ME3: variants seen among roughly 807,000 people sequenced by gnomAD.
The protein encoded by ME3 is NADP-dependent malic enzyme, mitochondrial.
Under a neutral mutation model 68.9 loss-of-function variants are expected in ME3, and 48 were observed. The ratio of observed to expected loss-of-function variants is 0.70; its 90% CI spans 0.55 to 0.89. The LOEUF (loss-of-function observed/expected upper bound fraction) is 0.89, where lower values mean the gene tolerates loss of function less well. Ranked by LOEUF, ME3 falls within the 40% of genes least tolerant of loss-of-function variation. The pLI is 0.00. For synonymous variants in ME3, 320 were observed against 318.8 expected, an observed-to-expected ratio of 1.00 and a Z score of -0.04; for missense variants, 675 against 797.4, an observed-to-expected ratio of 0.85 and a Z score of 1.85.
intron 4 of ME3, among the ~76,000 whole-genome samples, chr11:86,549,222 GAA>G (rs918861303): frequency 6.6e-6 from 1 of 152,256 alleles, no homozygotes; most frequent in African/African-American, 2.4e-5. Flanking sequence ...TACCTCTGGA[GAA>G]AGAGTGTCTA....
chr11:86,560,750 A>ATGTG (rs1437232456), intron 2 of ME3, among the ~76,000 whole-genome samples: 37 of 21,110 alleles, frequency 1.8e-3, no homozygotes, highest in Non-Finnish European at 3.3e-3. Context: ...GTGTGTGTGT[A>ATGTG]TATATATATA....
chr11:86,476,769 A>G (rs954975506), intron 7 of ME3, among the ~76,000 whole-genome samples: 1 of 152,200 alleles, frequency 6.6e-6, no homozygotes, highest in Non-Finnish European at 1.5e-5. Context: ...GCATTTACTA[A>G]TTGCACATAC....
intron 2 of ME3, among the ~76,000 whole-genome samples, chr11:86,610,235 A>T (rs766894856): frequency 6.6e-6 from 1 of 152,250 alleles, no homozygotes; most frequent in South Asian, 2.1e-4. Context: ...GGGGCAGCAG[A>T]TGTATTTATA....
At chr11:86,469,170 G>T (rs1950648004) in intron 7 of ME3, among the ~76,000 whole-genome samples, 1 of 152,214 alleles carries the variant, frequency 6.6e-6, no homozygotes, top group Admixed American at 6.5e-5. Flanking sequence ...AAATGCAGGA[G>T]TCTTGGCTGA....
intron 4 of ME3, among the ~76,000 whole-genome samples, chr11:86,509,780 A>G (rs7102806): frequency 0.4 from 58,129 of 146,164 alleles, 11,931 homozygotes; most frequent in South Asian, 0.51. Context: ...AAAAAAGTAC[A>G]GCTGGAATCT....
At chr11:86,483,341 C>T (rs904772906) in intron 7 of ME3, among the ~76,000 whole-genome samples, 2 of 152,138 alleles carry the variant, frequency 1.3e-5, no homozygotes, top group African/African-American at 4.8e-5. Flanking sequence ...CAGGGGCTCA[C>T]ATCAAGTGTG....
At chr11:86,438,578 C>T (rs927543306), downstream of ME3, among the ~76,000 whole-genome samples, 27 of 152,170 alleles carry the variant, frequency 1.8e-4, no homozygotes, top group African/African-American at 6.5e-4. Context: ...TAAATTCCAA[C>T]CAATGAAGCC....
intron 2 of ME3, among the ~76,000 whole-genome samples, chr11:86,633,462 G>A (rs1033782319): frequency 6.6e-6 from 1 of 152,154 alleles, no homozygotes; most frequent in African/African-American, 2.4e-5. Flanking sequence ...TCTAGAGCCC[G>A]TGCTGTTAAA....
At chr11:86,582,042 A>C (rs559727141) in intron 2 of ME3, among the ~76,000 whole-genome samples, 56 of 152,378 alleles carry the variant, frequency 3.7e-4, no homozygotes, top group African/African-American at 1.3e-3. Context: ...TCATTTTCCA[A>C]AAACCAAATC....
At position 86,467,713 on chromosome 11, in the gene ME3, C is replaced by CA. The variant is rs1950562578; in HGVS notation, c.810-2514_810-2513insT. On this transcript the variant is annotated intron_variant, in intron 7 of 14. Transcript: ENST00000543262. ...CTCTCTCACACACACACACACACAC[C>CA]CCTTTAAGCAACACCACCATTCATT... Among the ~76,000 whole-genome samples, 4 of 141,866 alleles carry CA rather than the reference C, an allele frequency of 2.8e-5. No homozygotes were observed. In the South Asian group the frequency reaches 9.3e-4, roughly 33 times the overall value. The allele number at this position is 141,866 out of a possible 152,430, so 93.1% of individuals were successfully genotyped here.
At chr11:86,556,932 A>G (rs1248388626) in intron 3 of ME3, among the ~76,000 whole-genome samples, 3 of 152,006 alleles carry the variant, frequency 2.0e-5, no homozygotes, top group African/African-American at 7.2e-5. Context: ...TTTTACATTA[A>G]CTCCTTTAAA....
chr11:86,650,338 C>A (rs368971302), intron 2 of ME3, among the ~76,000 whole-genome samples: 1 of 152,242 alleles, frequency 6.6e-6, no homozygotes, highest in Non-Finnish European at 1.5e-5. Flanking sequence ...AACATAAGAC[C>A]TAAAACCATA....
Position 86,508,873 on chromosome 11 carries a change from A to C in ME3, c.468-6T>G. The C allele has an allele frequency of 6.2e-7, 1 of 1,610,546 alleles. No homozygotes were observed. Among genetic ancestry groups the C allele is most frequent in the Middle Eastern group, 1.7e-4 (1 of 6,056 alleles). ...GAATGGTGATGAACAGTCCACTAAA[A>C]GAAATAAAACACGTACACACAGAGA... On this transcript the variant is annotated splice_region_variant and splice_polypyrimidine_tract_variant and intron_variant, in intron 4 of 14. Transcript: ENST00000543262.
At chr11:86,551,769 A>T (rs1035725192) in intron 4 of ME3, among the ~76,000 whole-genome samples, 1 of 152,220 alleles carries the variant, frequency 6.6e-6, no homozygotes, top group Non-Finnish European at 1.5e-5. Context: ...CTATTTGCAG[A>T]TAAGAAAGAC....
chr11:86,656,241 A>G (rs1183059174), intron 2 of ME3, among the ~76,000 whole-genome samples: 1 of 151,916 alleles, frequency 6.6e-6, no homozygotes, highest in South Asian at 2.1e-4. Flanking sequence ...CAGCCATCCC[A>G]TTACTGGATA....
At chr11:86,482,872 A>G (rs1468970741) in intron 7 of ME3, among the ~76,000 whole-genome samples, 1 of 152,154 alleles carries the variant, frequency 6.6e-6, no homozygotes, top group Non-Finnish European at 1.5e-5. Flanking sequence ...ATGTGTGACC[A>G]TTGGCAAGAC....
intron 2 of ME3, among the ~76,000 whole-genome samples, chr11:86,670,175 T>C (rs1372728537): frequency 6.6e-6 from 1 of 152,228 alleles, no homozygotes; most frequent in East Asian, 1.9e-4. Flanking sequence ...AGGATTCGCT[T>C]TCTGAGGCGT....
At chr11:86,467,695 A>T (rs111973288) in intron 7 of ME3, among the ~76,000 whole-genome samples, 31 of 148,394 alleles carry the variant, frequency 2.1e-4, no homozygotes, top group South Asian at 1.3e-3. Flanking sequence ...TCTCTCTCTC[A>T]CACACACACA....
chr11:86,569,919 A>T (rs960340029), intron 2 of ME3, among the ~76,000 whole-genome samples: 20 of 152,226 alleles, frequency 1.3e-4, no homozygotes, highest in African/African-American at 4.8e-4. Context: ...GAAAGATTTT[A>T]AAAGTTGTTG....
Sources: gnomAD v4.1 joint callset for allele counts (sites outside exome capture counted in the v4.1 genomes callset) on GRCh38, gnomAD v4.1.1 for gene constraint, MANE v1.5 for transcripts, NCBI Gene and HGNC (gene_info 2026-07-23, HGNC 2026-07-21) for gene names.